VPS53: variants seen among roughly 807,000 people sequenced by gnomAD.
VPS53 encodes the protein VPS53 subunit of GARP complex, also known as vacuolar protein sorting-associated protein 53 homolog.
In VPS53, 70 loss-of-function variants were observed where a neutral mutation model predicts 107.0. That is an observed-to-expected ratio of 0.65 (90% CI 0.54 to 0.80). The LOEUF (loss-of-function observed/expected upper bound fraction) is 0.80. Ranked by LOEUF, VPS53 falls within the 30% of genes least tolerant of loss-of-function variation. The pLI, the probability that VPS53 is intolerant of heterozygous loss-of-function variation, is 0.00. For synonymous variants in VPS53, 409 were observed against 393.3 expected, an observed-to-expected ratio of 1.04 and a Z score of -0.47; for missense variants, 917 against 1,049.4, an observed-to-expected ratio of 0.87 and a Z score of 1.74.
chr17:609,460 G>A (rs1008591291), intron 11 of VPS53, among the ~76,000 whole-genome samples: 2 of 152,000 alleles, frequency 1.3e-5, no homozygotes, highest in African/African-American at 4.8e-5. Context: ...TAAGACATAC[G>A]AACATATGTT....
At chr17:571,131 G>A (rs1913999962) in intron 13 of VPS53, among the ~76,000 whole-genome samples, 1 of 151,692 alleles carries the variant, frequency 6.6e-6, no homozygotes, top group Non-Finnish European at 1.5e-5. Context: ...CGAGCAACAT[G>A]GTGAGACCCT....
chr17:659,778 T>C (rs1166701033), intron 5 of VPS53, among the ~76,000 whole-genome samples: 3 of 152,174 alleles, frequency 2.0e-5, no homozygotes, highest in Admixed American at 6.5e-5. Context: ...CTCCCTCTGC[T>C]TCATCTCAAG....
rs79657649 is a variant in VPS53 at position 601,865 on chromosome 17, T to C, written c.1148A>G (p.Asn383Ser). ...TGTTGGCTCATCTTCCAGGAAGGGATTGGTAGATGGGGGTGGAGACTCAAG... is the reference window on the plus strand; with the variant it reads ...TGTTGGCTCATCTTCCAGGAAGGGACTGGTAGATGGGGGTGGAGACTCAAG... ...KKLESPPPST[N>S]PFLEDEPTPE... is the part of the protein sequence containing the mutation. The change falls in exon 12 of 22, where the codon AAT becomes AGT. Residue 383 changes from asparagine to serine, a missense_variant. Transcript: ENST00000437048. 3.4e-3 allele frequency: 5,361 copies of C among 1,598,798 alleles called. 60 individuals carry two copies. The East Asian group carries it at 0.042, about 13-fold the overall frequency.
intron 10 of VPS53, 88 bp from the exon 11 acceptor site, chr17:623,762 A>G (rs576524906): frequency 6.4e-6 from 8 of 1,249,682 alleles, no homozygotes; most frequent in Middle Eastern, 2.9e-4. Flanking sequence ...TTATATTCAG[A>G]AAAAAAAAAT....
chr17:697,231 G>T (rs1973005438), intron 4 of VPS53, among the ~76,000 whole-genome samples, 187 bp downstream of exon 4: 1 of 152,194 alleles, frequency 6.6e-6, no homozygotes, highest in Admixed American at 6.5e-5. Context: ...ACAGTTCACG[G>T]TCCTGGTCCA....
At chr17:642,376 GCGAGGAAAACACTCATACTCGGAAAC>G (rs1555571406) in intron 7 of VPS53, among the ~76,000 whole-genome samples, 4 of 144,804 alleles carry the variant, frequency 2.8e-5, no homozygotes, top group African/African-American at 7.7e-5. Context: ...TACTTGGAAA[GCGAGGAAAACACTCATACTCGGAAAC>G]CGAGGACAAC....
At chr17:563,584 C>T (rs1913224773) in intron 13 of VPS53, among the ~76,000 whole-genome samples, 1 of 152,134 alleles carries the variant, frequency 6.6e-6, no homozygotes. Flanking sequence ...GTGAGCCACT[C>T]ACTGCGCCCA....
chr17:676,856 T>G (rs868719999), intron 4 of VPS53, among the ~76,000 whole-genome samples: 3 of 151,910 alleles, frequency 2.0e-5, no homozygotes, highest in African/African-American at 4.8e-5. Flanking sequence ...TTTTTTTTTT[T>G]TGTGGGAGAG....
intron 6 of VPS53, 121 bp downstream of exon 6, chr17:655,717 T>C: frequency 1.1e-6 from 1 of 893,234 alleles, no homozygotes; most frequent in Non-Finnish European, 1.7e-6. Flanking sequence ...TGAAGCCAAT[T>C]TGCAGAAAGT....
chr17:551,772 T>G, intron 17 of VPS53, 100 bp downstream of exon 17: 1 of 1,075,544 alleles, frequency 9.3e-7, no homozygotes, highest in East Asian at 2.9e-5. Context: ...GCTGATCCTT[T>G]ACGCTCCGAT....
rs926586201 is a variant in VPS53, at chr17:552,269, A to G, written c.1788-319T>C. On this transcript the variant is annotated intron_variant, in intron 16 of 21. Transcript: ENST00000437048. The stretch of plus-strand genomic sequence containing the variant: ...GAACTGAAGAAAATAAAAAGCTAAG[A>G]AAAGTGGAGGAAATAAACTAAGAAG... 3.4e-5 allele frequency among the ~76,000 whole-genome samples: 5 copies of G among 145,468 alleles called. No individual in the cohort carries two copies. The Admixed American group carries it at 3.5e-4, about 10-fold the overall frequency.
At position 608,521 on chromosome 17, in the gene VPS53, T is replaced by C. The variant is rs140836174; in HGVS notation, c.1117-6625A>G. Among the ~76,000 whole-genome samples, 323 of 152,314 alleles carry C rather than the reference T, an allele frequency of 2.1e-3. 3 individuals carry two copies. Among genetic ancestry groups the C allele is most frequent in the Admixed American group, 0.014 (218 of 15,304 alleles). On this transcript the variant is annotated intron_variant, in intron 11 of 21. Transcript: ENST00000437048. Reference sequence around the variant, plus strand: ...GTGGATACCTCCAGGGGGAGGGATATACAGTAGTTAAGAAGAGATGTTTAT... The same window carrying C: ...GTGGATACCTCCAGGGGGAGGGATACACAGTAGTTAAGAAGAGATGTTTAT...
rs536393059 is a variant in VPS53 at position 572,071 on chromosome 17, C to T, written c.1314-9326G>A. Among the ~76,000 whole-genome samples, 8 of 150,654 alleles carry T rather than the reference C, an allele frequency of 5.3e-5. No homozygotes were observed. In the East Asian group the frequency reaches 5.9e-4, roughly 11 times the overall value. On this transcript the variant is annotated intron_variant, in intron 13 of 21. Transcript: ENST00000437048. ...CCGGAAAGTGAGGAGCGTCTCTGCC[C>T]GGCCCCCATCCCATCTAGGAAGTGA...
intron 12 of VPS53, among the ~76,000 whole-genome samples, chr17:593,885 G>A (rs1308779511): frequency 2.6e-5 from 4 of 152,220 alleles, no homozygotes; most frequent in South Asian, 2.1e-4. Flanking sequence ...CATTATTCAC[G>A]ATAGCAAAGA....
intron 4 of VPS53, among the ~76,000 whole-genome samples, chr17:662,773 G>GAAAGAAAGAAAGAA (rs34869514): frequency 3.4e-3 from 200 of 59,166 alleles, no homozygotes; most frequent in East Asian, 0.024. Flanking sequence ...AAGAAAGAAA[G>GAAAGAAAGAAAGAA]AGAAAGAAAG....
At chr17:704,623 G>A (rs756587217) in intron 2 of VPS53, among the ~76,000 whole-genome samples, 9 of 152,174 alleles carry the variant, frequency 5.9e-5, no homozygotes, top group Admixed American at 2.0e-4. Context: ...TGAGACTAGA[G>A]AAGTAAAGAT....
At chr17:596,392 G>A (rs957458434) in intron 12 of VPS53, among the ~76,000 whole-genome samples, 7 of 151,764 alleles carry the variant, frequency 4.6e-5, no homozygotes, top group African/African-American at 2.4e-5. Flanking sequence ...CCTTGATGAC[G>A]TCCCACAGGT....
At chr17:565,016 T>C (rs1211605493) in intron 13 of VPS53, among the ~76,000 whole-genome samples, 2 of 152,086 alleles carry the variant, frequency 1.3e-5, no homozygotes, top group African/African-American at 4.8e-5. Flanking sequence ...ATTTATATAA[T>C]GGTAAGGAAG....
intron 4 of VPS53, among the ~76,000 whole-genome samples, chr17:680,445 T>C (rs375209159): frequency 9.6e-4 from 145 of 151,746 alleles, no homozygotes; most frequent in Admixed American, 2.6e-3. Flanking sequence ...TAAAAGACAA[T>C]ACACGATGAC....
Sources: allele counts gnomAD v4.1 joint callset (sites outside exome capture counted in the v4.1 genomes callset), GRCh38; gene constraint gnomAD v4.1.1; transcripts MANE v1.5; gene names NCBI Gene and HGNC (gene_info 2026-07-23, HGNC 2026-07-21).